TMPRSS15: variants seen among roughly 807,000 people sequenced by gnomAD.
TMPRSS15 encodes enteropeptidase.
In TMPRSS15, 128 loss-of-function variants were observed where a neutral mutation model predicts 125.3. The ratio of observed to expected loss-of-function variants is 1.02; its 90% CI spans 0.89 to 1.18. The LOEUF (loss-of-function observed/expected upper bound fraction) is 1.18, where lower values mean the gene tolerates loss of function less well. Ranked by LOEUF, TMPRSS15 falls within the 50% of genes most tolerant of loss-of-function variation. The pLI, the probability that TMPRSS15 is intolerant of heterozygous loss-of-function variation, is 0.00. For synonymous variants in TMPRSS15, 446 were observed against 423.2 expected (o/e 1.05, Z -0.66); for missense variants, 1,283 against 1,212.7 (o/e 1.06, Z -0.86).
Position 18,403,595 on chromosome 21 carries a change from T to A in TMPRSS15, c.28A>T (p.Arg10Trp), listed in dbSNP as rs771449907. The A allele has an allele frequency of 5.6e-6, 9 of 1,614,042 alleles. No individual in the cohort carries two copies. In the South Asian group the frequency reaches 9.9e-5, roughly 18 times the overall value. Residue 10 changes from arginine (R) to tryptophan (W), a missense_variant, in exon 1 of 25, where the codon AGG (arginine) becomes TGG (tryptophan). Arg to Trp is a moderately radical substitution (Grantham distance 101, BLOSUM62 -3). Coordinates refer to ENST00000284885, the MANE Select transcript of TMPRSS15 (RefSeq NM_002772.3). Reference sequence around the variant, plus strand: ...TCATAGGAGCTGAGAGAATGATGCCTAGAAGATATGCCTCTTTTCGACCCC... The same window carrying A: ...TCATAGGAGCTGAGAGAATGATGCCAAGAAGATATGCCTCTTTTCGACCCC... Reference protein sequence around the residue: MGSKRGISSRHHSLSSYEIM... With the variant: MGSKRGISSWHHSLSSYEIM...
chr21:18,297,580 T>C lies in TMPRSS15; in HGVS notation c.2261+154A>G, dbSNP rs2074920726. ...AAACTGTTATCAGATATTAAATAGA[T>C]ACTGTTTGAGATTACTTAAATAATA... On this transcript the variant is annotated intron_variant, in intron 19 of 24. Coordinates refer to ENST00000284885, the MANE Select transcript of TMPRSS15 (RefSeq NM_002772.3). Among the ~76,000 whole-genome samples, 3 of 152,236 alleles carry C rather than the reference T, an allele frequency of 2.0e-5. No individual in the cohort carries two copies. In the South Asian group the frequency reaches 6.2e-4, roughly 31 times the overall value.
At chr21:18,324,992 T>C (rs2075274717) in intron 16 of TMPRSS15, among the ~76,000 whole-genome samples, 1 of 152,194 alleles carries the variant, frequency 6.6e-6, no homozygotes, top group African/African-American at 2.4e-5. Flanking sequence ...AGTGATTCAA[T>C]TCAAGATGAC....
chr21:18,447,921 C>T (rs750752820), intron 1 of TMPRSS15, among the ~76,000 whole-genome samples: 43 of 152,114 alleles, frequency 2.8e-4, no homozygotes, highest in Non-Finnish European at 4.6e-4. Context: ...AATGAGATAT[C>T]ACTTCACCCC....
At position 18,429,621 on chromosome 21, in the gene TMPRSS15, G is replaced by A. The variant is rs543342023; in HGVS notation, c.11-31292C>T. Among the ~76,000 whole-genome samples the A allele has an allele frequency of 1.1e-4, 17 of 152,192 alleles. No homozygotes were observed. In the South Asian group the frequency reaches 2.3e-3, roughly 20 times the overall value. ...CATCATTTTCTCTTTCTGCTGCCAC[G>A]TAGGAAGTGCCTTTCAACTTCTGCC... On this transcript the variant is annotated intron_variant, in intron 1 of 7. Transcript: ENST00000422787.
intron 4 of TMPRSS15, among the ~76,000 whole-genome samples, chr21:18,380,132 C>G (rs2075877677): frequency 6.7e-6 from 1 of 148,284 alleles, no homozygotes; most frequent in African/African-American, 2.5e-5. Flanking sequence ...GCTTCATCAC[C>G]AAGGCACCAT....
In TMPRSS15 at chr21:18,305,211, C is replaced by A. The variant is rs540945490; in HGVS notation, c.2166-7382G>T. Reference sequence around the variant, plus strand: ...TTTTTTTTTTTTTTTTTTTTTGAGACGGAGTCTCCCTCTGTCGCCCAGGCT... The same window carrying A: ...TTTTTTTTTTTTTTTTTTTTTGAGAAGGAGTCTCCCTCTGTCGCCCAGGCT... On this transcript the variant is annotated intron_variant, in intron 18 of 24. Coordinates refer to ENST00000284885, the MANE Select transcript of TMPRSS15 (RefSeq NM_002772.3). 5.2e-3 allele frequency among the ~76,000 whole-genome samples: 197 copies of A among 37,802 alleles called. 1 individual carries two copies. Among genetic ancestry groups the A allele is most frequent in the Admixed American group, 0.012 (39 of 3,206 alleles). 24.8% of individuals were successfully genotyped at this position (37,802 alleles called of 152,430 possible).
rs1357696222 is a variant in TMPRSS15 at position 18,349,736 on chromosome 21, A to C, written c.1171+3167T>G. 2.0e-5 allele frequency among the ~76,000 whole-genome samples: 3 copies of C among 152,028 alleles called. No individual in the cohort carries two copies. The East Asian group carries it at 5.8e-4, about 29-fold the overall frequency. On this transcript the variant is annotated intron_variant, in intron 10 of 24. Coordinates refer to ENST00000284885, the MANE Select transcript of TMPRSS15 (RefSeq NM_002772.3). ...TTATATGACTTGTCTAATTTTAAAA[A>C]ACTCCTGCTACTACGCTTTCTCCTG...
At chr21:18,322,421 C>T (rs990423417) in intron 16 of TMPRSS15, among the ~76,000 whole-genome samples, 3 of 152,172 alleles carry the variant, frequency 2.0e-5, no homozygotes, top group Non-Finnish European at 4.4e-5. Flanking sequence ...GAGATATCTG[C>T]TCATCTATGT....
chr21:18,275,805 A>G (rs1221973397), intron 23 of TMPRSS15, among the ~76,000 whole-genome samples: 1 of 152,216 alleles, frequency 6.6e-6, no homozygotes, highest in Non-Finnish European at 1.5e-5. Context: ...CATCGAGCAG[A>G]GGACAAAGCT....
rs142662013 is a variant in TMPRSS15, at chr21:18,332,172, C to G, written c.1566G>C (p.Thr522=). 4 of 1,613,426 alleles carry G rather than the reference C, an allele frequency of 2.5e-6. No homozygotes were observed. The highest frequency in any genetic ancestry group is 3.4e-6 in the Non-Finnish European group (4 of 1,179,546). ...LVPTPPPELP[T]DCGGPFELWE... ...ACAGCTCAAAAGGTCCTCCACAGTC[C>G]GCTGAAAAGGAAAGCAATGGGAAAT... Residue 522 remains threonine, a splice_region_variant and synonymous_variant, in exon 14 of 25, where the codon ACG becomes ACC. Transcript: ENST00000284885.
intron 16 of TMPRSS15, among the ~76,000 whole-genome samples, chr21:18,318,311 T>A (rs1475852700): frequency 2.0e-5 from 3 of 152,216 alleles, no homozygotes; most frequent in Non-Finnish European, 4.4e-5. Flanking sequence ...ATTCCAGGGC[T>A]GGTGGAACAA....
intron 10 of TMPRSS15, among the ~76,000 whole-genome samples, chr21:18,349,177 C>A (rs549266903): frequency 1.3e-5 from 2 of 152,310 alleles, no homozygotes; most frequent in Admixed American, 6.5e-5. Context: ...TAGTCCTCTG[C>A]GATCCCTATA....
At chr21:18,348,982 T>A (rs1456362421) in intron 10 of TMPRSS15, among the ~76,000 whole-genome samples, 1 of 152,166 alleles carries the variant, frequency 6.6e-6, no homozygotes, top group Non-Finnish European at 1.5e-5. Context: ...GATAAGGGAA[T>A]TGGGACAGAA....
intron 21 of TMPRSS15, among the ~76,000 whole-genome samples, chr21:18,293,523 C>G (rs1265376306): frequency 6.6e-6 from 1 of 152,126 alleles, no homozygotes; most frequent in Non-Finnish European, 1.5e-5. Flanking sequence ...AATTCAGAAC[C>G]ATGTGACTAT....
intron 1 of TMPRSS15, among the ~76,000 whole-genome samples, chr21:18,401,843 A>C (rs983942783): frequency 6.6e-6 from 1 of 152,232 alleles, no homozygotes; most frequent in Non-Finnish European, 1.5e-5. Flanking sequence ...AAACAGTATT[A>C]TCACTTATAA....
intron 10 of TMPRSS15, among the ~76,000 whole-genome samples, chr21:18,347,409 G>A (rs1226392590): frequency 1.3e-5 from 2 of 152,014 alleles, no homozygotes; most frequent in Non-Finnish European, 2.9e-5. Flanking sequence ...GCTAATTTTT[G>A]TATTTTTAGT....
At chr21:18,331,523 C>G (rs2075345486) in intron 14 of TMPRSS15, among the ~76,000 whole-genome samples, 1 of 152,152 alleles carries the variant, frequency 6.6e-6, no homozygotes, top group East Asian at 1.9e-4. Context: ...ACTATTTTCT[C>G]TAGACAAATT....
chr21:18,273,952 C>T (rs10084615), intron 24 of TMPRSS15, among the ~76,000 whole-genome samples: 16,936 of 152,088 alleles, frequency 0.11, 1,050 homozygotes, highest in Middle Eastern at 0.2. Flanking sequence ...TTAGATGGCT[C>T]GTCATGTATT....
chr21:18,270,170 G>T (rs2074537515), intron 24 of TMPRSS15, 46 bp from the exon 25 acceptor site: 3 of 1,489,096 alleles, frequency 2.0e-6, no homozygotes, highest in South Asian at 1.1e-5. Context: ...GTGGTCAATT[G>T]ATCGAAACAT....
Sources: allele counts gnomAD v4.1 joint callset (sites outside exome capture counted in the v4.1 genomes callset), GRCh38; gene constraint gnomAD v4.1.1; transcripts MANE v1.5; gene names NCBI Gene and HGNC (gene_info 2026-07-23, HGNC 2026-07-21).